The following SYNJ2BP variants were observed in gnomAD, a reference collection of about 807,000 sequenced individuals.
SYNJ2BP encodes synaptojanin-2-binding protein.
In SYNJ2BP, 10 loss-of-function variants were observed where a neutral mutation model predicts 16.9. That is an observed-to-expected ratio of 0.59 (90% CI 0.36 to 1.00). The LOEUF (loss-of-function observed/expected upper bound fraction) is 1.00, where lower values mean the gene tolerates loss of function less well. SYNJ2BP is among the 50% of genes least tolerant of loss of function. The pLI, the probability that SYNJ2BP is intolerant of heterozygous loss-of-function variation, is 0.01. For synonymous variants in SYNJ2BP, 54 were observed against 68.4 expected (o/e 0.79, Z 1.04); for missense variants, 162 against 186.7 (o/e 0.87, Z 0.77).
At position 70,412,096 on chromosome 14, in the gene SYNJ2BP, C is replaced by A. The variant is rs1888485231; in HGVS notation, c.64+4804G>T. ...GCTTAAATGATAGAACTTAATGGGG[C>A]ATCTTGATTTTAGGTACTCACCTTG... On this transcript the variant is annotated intron_variant, in intron 1 of 3. Coordinates refer to ENST00000256366, the MANE Select transcript of SYNJ2BP (RefSeq NM_018373.3). Among the ~76,000 whole-genome samples, 3 of 152,126 alleles carry A rather than the reference C, an allele frequency of 2.0e-5. No individual in the cohort carries two copies. In the South Asian group the frequency reaches 6.2e-4, roughly 31 times the overall value.
intron 1 of SYNJ2BP, among the ~76,000 whole-genome samples, chr14:70,393,686 C>T (rs1257660240): frequency 2.6e-5 from 4 of 151,856 alleles, no homozygotes; most frequent in African/African-American, 9.7e-5. Context: ...TCATCCTCAG[C>T]AAACTAACAC....
intron 2 of SYNJ2BP, among the ~76,000 whole-genome samples, chr14:70,376,897 T>C (rs1237921780): frequency 6.6e-6 from 1 of 152,196 alleles, no homozygotes; most frequent in African/African-American, 2.4e-5. Flanking sequence ...AACTCTCTCA[T>C]TTTCCTTGTC....
rs141658052 is a variant in SYNJ2BP, at chr14:70,382,726, G to A, written c.201+5744C>T. Among the ~76,000 whole-genome samples, 267 of 152,260 alleles carry A rather than the reference G, an allele frequency of 1.8e-3. 1 individual carries two copies. Among genetic ancestry groups the A allele is most frequent in the African/African-American group, 5.1e-3 (214 of 41,562 alleles). On this transcript the variant is annotated intron_variant, in intron 2 of 3. Coordinates refer to ENST00000256366, the MANE Select transcript of SYNJ2BP (RefSeq NM_018373.3). ...GATTTGCAATGTGCTAGAAAATTTCGCTGACTCTGAAGTTTCAGAGAATGA... is the reference window on the plus strand; with the variant it reads ...GATTTGCAATGTGCTAGAAAATTTCACTGACTCTGAAGTTTCAGAGAATGA...
chr14:70,375,677 C>G lies in SYNJ2BP; in HGVS notation c.296G>C (p.Arg99Thr). 1.2e-6 allele frequency: 2 copies of G among 1,613,140 alleles called. No individual in the cohort carries two copies. Among genetic ancestry groups the G allele is most frequent in the Non-Finnish European group, 1.7e-6 (2 of 1,179,638 alleles). The change falls in exon 3 of 4, where the codon AGG (arginine) becomes ACG (threonine). Residue 99 changes from arginine to threonine, a missense_variant and splice_region_variant. Physicochemically the swap from Arg to Thr is moderately conservative, Grantham distance 71. Coordinates refer to ENST00000256366, the MANE Select transcript of SYNJ2BP (RefSeq NM_018373.3). ...TTTCTGGCTCAAAGTGATACCTACC[C>G]TGTGCTGCACTCTCAGAGACACAGC... ...GYAVSLRVQH[R>T]LQVQNGPIGH...
In SYNJ2BP at chr14:70,404,175, T is replaced by TAA. The variant is rs55783829; in HGVS notation, c.64+12723_64+12724dup. On this transcript the variant is annotated intron_variant, in intron 1 of 3. Transcript: ENST00000256366. ...TCCTGTCTCTACAAAAATGAAAAAT[T>TAA]AAAAAAAAAAATTAGCAGGGCATGG... is the stretch of plus-strand genomic sequence containing the variant. 1.6e-4 allele frequency among the ~76,000 whole-genome samples: 24 copies of TAA among 149,556 alleles called. No individual in the cohort carries two copies. In the South Asian group the frequency reaches 3.0e-3, roughly 18 times the overall value.
chr14:70,406,508 C>G (rs2140866750), intron 1 of SYNJ2BP, among the ~76,000 whole-genome samples: 1 of 152,290 alleles, frequency 6.6e-6, no homozygotes, highest in South Asian at 2.1e-4. Context: ...AACAAATTAG[C>G]CACAAGATTA....
intron 2 of SYNJ2BP, among the ~76,000 whole-genome samples, chr14:70,377,011 T>C (rs1159248882): frequency 1.3e-5 from 2 of 152,240 alleles, no homozygotes; most frequent in Non-Finnish European, 1.5e-5. Flanking sequence ...ATAGACAGTC[T>C]ACCTTTGTAA....
chr14:70,371,323 G>A lies in SYNJ2BP; in HGVS notation c.*1668C>T, dbSNP rs1887514622. On this transcript the variant is annotated 3_prime_UTR_variant, in exon 4 of 4. Transcript: ENST00000256366. ...CTACCACATTTCCCTACCTCCTAAA[G>A]CAAACAAAACTCTTTTCCTCCCTCT... 6.6e-6 allele frequency: 1 copy of A among 152,142 alleles called. No individual in the cohort carries two copies. Among genetic ancestry groups the A allele is most frequent in the Non-Finnish European group, 1.5e-5 (1 of 68,048 alleles). The allele number at this position is 152,142 out of a possible 1,614,324, so 9.4% of individuals were successfully genotyped here.
intron 1 of SYNJ2BP, among the ~76,000 whole-genome samples, chr14:70,393,484 T>C (rs916294286): frequency 1.3e-5 from 2 of 152,188 alleles, no homozygotes; most frequent in Non-Finnish European, 2.9e-5. Context: ...ATCATTCTAC[T>C]ATAAACACAC....
intron 1 of SYNJ2BP, among the ~76,000 whole-genome samples, chr14:70,411,322 T>G (rs1888468255): frequency 6.6e-6 from 1 of 152,194 alleles, no homozygotes; most frequent in African/African-American, 2.4e-5. Context: ...AGGCAATCTG[T>G]AAATGATGTA....
intron 1 of SYNJ2BP, among the ~76,000 whole-genome samples, chr14:70,409,796 T>C (rs1425257395): frequency 6.6e-6 from 1 of 152,172 alleles, no homozygotes; most frequent in Non-Finnish European, 1.5e-5. Flanking sequence ...ACAGATCATG[T>C]TACTGCTTCT....
intron 2 of SYNJ2BP, among the ~76,000 whole-genome samples, chr14:70,386,499 T>C (rs1887862582): frequency 6.6e-6 from 1 of 152,236 alleles, no homozygotes; most frequent in Admixed American, 6.5e-5. Context: ...TTTAGGTGGC[T>C]CTAATAGCTA....
chr14:70,397,104 T>C (rs887797196), intron 1 of SYNJ2BP, among the ~76,000 whole-genome samples: 2 of 152,210 alleles, frequency 1.3e-5, no homozygotes, highest in Non-Finnish European at 2.9e-5. Flanking sequence ...GTTTTATGGT[T>C]TTAGCTCTTA....
Position 70,393,097 on chromosome 14 carries a change from T to A in SYNJ2BP, c.65-4491A>T, listed in dbSNP as rs1457190283. 2.0e-5 allele frequency among the ~76,000 whole-genome samples: 3 copies of A among 152,132 alleles called. No homozygotes were observed. In the East Asian group the frequency reaches 5.8e-4, roughly 29 times the overall value. Reference sequence around the variant, plus strand: ...CTAATATCCAGAATCTACAAGGAACTTAAACAAATTTACAAGGAAAAAACA... The same window carrying A: ...CTAATATCCAGAATCTACAAGGAACATAAACAAATTTACAAGGAAAAAACA... On this transcript the variant is annotated intron_variant, in intron 1 of 3. Transcript: ENST00000256366.
intron 1 of SYNJ2BP, among the ~76,000 whole-genome samples, chr14:70,400,969 G>C (rs950152612): frequency 6.6e-6 from 1 of 152,150 alleles, no homozygotes; most frequent in Non-Finnish European, 1.5e-5. Context: ...CTTTTGAAAA[G>C]TCCGTAAATT....
rs1162136538 is a variant in SYNJ2BP at position 70,368,923 on chromosome 14, C to T, written c.*4068G>A. ...CTGGGCATGGGGACGTTTATAAGCTCTCCAGATGATTCTAACCTGAGCAAA... is the reference window on the plus strand; with the variant it reads ...CTGGGCATGGGGACGTTTATAAGCTTTCCAGATGATTCTAACCTGAGCAAA... On this transcript the variant is annotated 3_prime_UTR_variant, in exon 4 of 4. Coordinates refer to ENST00000256366, the MANE Select transcript of SYNJ2BP (RefSeq NM_018373.3). 3 of 152,054 alleles carry T rather than the reference C, an allele frequency of 2.0e-5. No homozygotes were observed. Among genetic ancestry groups the T allele is most frequent in the African/African-American group, 7.2e-5 (3 of 41,380 alleles). 9.4% of individuals were successfully genotyped at this position (152,054 alleles called of 1,614,324 possible).
intron 1 of SYNJ2BP, among the ~76,000 whole-genome samples, chr14:70,412,016 T>C (rs1888483136): frequency 6.6e-6 from 1 of 152,214 alleles, no homozygotes; most frequent in Non-Finnish European, 1.5e-5. Context: ...ATCAGAAAAC[T>C]GCTAGCAACA....
rs1336164764 is a variant in SYNJ2BP, at chr14:70,411,229, G to A, written c.64+5671C>T. 3.3e-5 allele frequency among the ~76,000 whole-genome samples: 5 copies of A among 152,208 alleles called. No homozygotes were observed. In the East Asian group the frequency reaches 9.6e-4, roughly 29 times the overall value. ...TCAAGGTTTCCTCATTTCTGAAATG[G>A]GGATAATAACCATTTCATCTCTTCC... On this transcript the variant is annotated intron_variant, in intron 1 of 3. Coordinates refer to ENST00000256366, the MANE Select transcript of SYNJ2BP (RefSeq NM_018373.3).
intron 3 of SYNJ2BP, 89 bp downstream of exon 3, chr14:70,375,587 A>T: frequency 1.4e-6 from 2 of 1,472,686 alleles, no homozygotes; most frequent in Non-Finnish European, 1.8e-6. Flanking sequence ...TAAAACAAAA[A>T]GCAACACTGA....
Sources: gnomAD v4.1 joint callset for allele counts (sites outside exome capture counted in the v4.1 genomes callset) on GRCh38, gnomAD v4.1.1 for gene constraint, MANE v1.5 for transcripts, NCBI Gene and HGNC (gene_info 2026-07-23, HGNC 2026-07-21) for gene names.